The following KANK3 variants were observed in gnomAD, a reference collection of about 807,000 sequenced individuals.
KANK3 encodes the protein KN motif and ankyrin repeat domain-containing protein 3.
Under a neutral mutation model 65.4 loss-of-function variants are expected in KANK3, and 61 were observed. The ratio of observed to expected loss-of-function variants is 0.93; its 90% CI spans 0.76 to 1.15. The LOEUF (loss-of-function observed/expected upper bound fraction) is 1.15, where lower values mean the gene tolerates loss of function less well. Ranked by LOEUF, KANK3 falls within the 50% of genes most tolerant of loss-of-function variation. KANK3 has a pLI of 0.00. For missense variants in KANK3, 1,187 were observed against 1,178.8 expected (o/e 1.01, Z -0.10); for synonymous variants, 586 against 543.3 (o/e 1.08, Z -1.09).
intron 2 of KANK3, among the ~76,000 whole-genome samples, chr19:8,337,549 T>A (rs1248986846): frequency 6.6e-6 from 1 of 152,036 alleles, no homozygotes; most frequent in Non-Finnish European, 1.5e-5. Context: ...TTTCACCATG[T>A]TGCCCAGGCT....
intron 10 of KANK3, among the ~76,000 whole-genome samples, chr19:8,323,938 C>G (rs951901077): frequency 6.6e-6 from 1 of 152,206 alleles, no homozygotes; most frequent in African/African-American, 2.4e-5. Flanking sequence ...CTTCCCCACC[C>G]TGCCTGATGC....
At chr19:8,338,265 G>A (rs546836853) in intron 1 of KANK3, among the ~76,000 whole-genome samples, 12 of 151,858 alleles carry the variant, frequency 7.9e-5, no homozygotes, top group Middle Eastern at 6.8e-3. Context: ...CAAGTTATCC[G>A]CCTGCCTCGA....
chr19:8,334,759 CTCTA>C lies in KANK3; in HGVS notation c.1064_1067del (p.Leu355ArgfsTer13). On this transcript the variant is annotated frameshift_variant, in exon 3 of 11. Transcript: ENST00000330915. LOFTEE classifies it high-confidence loss of function. ...GGTGCTCCAGACTGGCGCGCAGCAG[CTCTA>C]GCTCGCGCTCGGCGGCCGCAGGCAG... 1 of 1,508,598 alleles carries C rather than the reference CTCTA, an allele frequency of 6.6e-7. No individual in the cohort carries two copies. Among genetic ancestry groups the C allele is most frequent in the Non-Finnish European group, 8.8e-7 (1 of 1,137,162 alleles). 93.5% of individuals were successfully genotyped at this position (1,508,598 alleles called of 1,614,324 possible).
chr19:8,334,638 G>A lies in KANK3; in HGVS notation c.1189C>T (p.Leu397=). ...EEAAAGARAQ[L]REATTQTPWS... ...GGGGTCTGGGTGGTGGCCTCGCGTA[G>A]CTGGGCCCGGGCCCCCGCCGCTGCC... Residue 397 remains leucine (L), a synonymous_variant, in exon 3 of 11, where the codon CTA becomes TTA. Coordinates refer to ENST00000330915, the MANE Select transcript of KANK3 (RefSeq NM_198471.3). 1 of 1,536,150 alleles carries A rather than the reference G, an allele frequency of 6.5e-7. No homozygotes were observed. The highest frequency in any genetic ancestry group is 8.7e-7 in the Non-Finnish European group (1 of 1,147,822).
At chr19:8,324,419 A>C in intron 10 of KANK3, 30 bp downstream of exon 10, 1 of 1,551,990 alleles carries the variant, frequency 6.4e-7, no homozygotes, top group Non-Finnish European at 8.7e-7. Context: ...TGCAGCTGGG[A>C]AAGTTTGTTT....
At chr19:8,331,485 C>T (rs962390166) in intron 7 of KANK3, among the ~76,000 whole-genome samples, 7 of 152,116 alleles carry the variant, frequency 4.6e-5, no homozygotes, top group South Asian at 2.1e-4. Context: ...CAGTGGGACC[C>T]GCCTCAACCT....
rs137964228 is a variant in KANK3 at position 8,330,829 on chromosome 19, G to A, written c.1936+2185C>T. On this transcript the variant is annotated intron_variant, in intron 7 of 10. Transcript: ENST00000330915. The stretch of plus-strand genomic sequence containing the variant: ...TGAGACATAAGAATCACTTGAACCC[G>A]GGAGGTGGAGGTTGCAGTGAGCTGA... Among the ~76,000 whole-genome samples the A allele has an allele frequency of 2.9e-3, 446 of 152,202 alleles. 2 individuals are homozygous for A. Among genetic ancestry groups the A allele is most frequent in the African/African-American group, 0.01 (430 of 41,524 alleles).
At chr19:8,337,881 T>TGGGC (rs1970669654) in intron 1 of KANK3, 25 bp from the exon 2 acceptor site, 3 of 1,612,156 alleles carry the variant, frequency 1.9e-6, no homozygotes, top group South Asian at 2.2e-5. Flanking sequence ...AAGGTGGGGC[T>TGGGC]GGGCGCTGTC....
intron 1 of KANK3, among the ~76,000 whole-genome samples, chr19:8,338,981 C>T (rs1005458005): frequency 6.6e-6 from 1 of 151,196 alleles, no homozygotes; most frequent in Non-Finnish European, 1.5e-5. Flanking sequence ...GGGCTGGATG[C>T]ACCAAAGATC....
At chr19:8,342,748 G>C (rs1446060870) in intron 1 of KANK3, among the ~76,000 whole-genome samples, 3 of 152,172 alleles carry the variant, frequency 2.0e-5, no homozygotes, top group Non-Finnish European at 2.9e-5. Context: ...CCACCCCCAG[G>C]TCGTCCTAGC....
chr19:8,326,631 CAAA>C (rs1206711323), intron 7 of KANK3, among the ~76,000 whole-genome samples: 8 of 128,386 alleles, frequency 6.2e-5, no homozygotes, highest in African/African-American at 2.0e-4. Context: ...ACTAAAAATA[CAAA>C]AAAAAAAAAA....
At chr19:8,325,689 G>T (rs1970415417) in intron 7 of KANK3, among the ~76,000 whole-genome samples, 1 of 152,102 alleles carries the variant, frequency 6.6e-6, no homozygotes, top group East Asian at 1.9e-4. Flanking sequence ...TTAAACATTT[G>T]TTGACTGAAT....
Position 8,333,180 on chromosome 19 carries a change from C to T in KANK3, c.1770G>A (p.Arg590=). ...AQEWFRVSSQ[R]RSQAEPVARM... Reference sequence around the variant, plus strand: ...TGGCCACGGGCTCCGCCTGAGAGCGCCGCTGGCTGGACACTCGAAACCACT... The same window carrying T: ...TGGCCACGGGCTCCGCCTGAGAGCGTCGCTGGCTGGACACTCGAAACCACT... The change falls in exon 7 of 11, where the codon CGG becomes CGA. Residue 590 remains arginine (R), a synonymous_variant. Coordinates refer to ENST00000330915, the MANE Select transcript of KANK3 (RefSeq NM_198471.3). The surrounding 1 kb of genome is among the most constrained non-coding windows in gnomAD (Gnocchi z 5.0). 1 of 1,612,840 alleles carries T rather than the reference C, an allele frequency of 6.2e-7. No individual in the cohort carries two copies. The highest frequency in any genetic ancestry group is 8.5e-7 in the Non-Finnish European group (1 of 1,179,866).
chr19:8,334,917 C>A lies in KANK3; in HGVS notation c.910G>T (p.Ala304Ser). Residue 304 changes from alanine (A) to serine (S), a missense_variant, in exon 3 of 11, where the codon GCC becomes TCC. By Grantham distance (99) the Ala-to-Ser change is moderately conservative (BLOSUM62 1). Coordinates refer to ENST00000330915, the MANE Select transcript of KANK3 (RefSeq NM_198471.3). ...LDGTPQTREV[A>S]AEAVPETREA... ...CGGGTCTCGGGCACGGCCTCGGCGG[C>A]CACCTCCCGGGTCTGGGGCGTCCCA... 1 of 1,462,656 alleles carries A rather than the reference C, an allele frequency of 6.8e-7. No individual in the cohort carries two copies. The highest frequency in any genetic ancestry group is 8.9e-7 in the Non-Finnish European group (1 of 1,117,460). The allele number at this position is 1,462,656 out of a possible 1,614,324, so 90.6% of individuals were successfully genotyped here.
rs769270108 is a variant in KANK3, at chr19:8,334,340, A to G, written c.1407T>C (p.Phe469=). The G allele has an allele frequency of 1.2e-5, 19 of 1,614,142 alleles. No homozygotes were observed. The South Asian group carries it at 1.9e-4, about 16-fold the overall frequency. The change falls in exon 4 of 11, where the codon TTT becomes TTC. Residue 469 remains phenylalanine, a synonymous_variant. Coordinates refer to ENST00000330915, the MANE Select transcript of KANK3 (RefSeq NM_198471.3). ...CTCACTCTCCGTTGAGGACCCCAAC[A>G]AACTGCAGGCTCTTGGGTCCGGAGC... ...QPSSGPKSLQ[F]VGVLNGEYES... is the part of the protein sequence containing the mutation.
At position 8,335,771 on chromosome 19, in the gene KANK3, C is replaced by T; in HGVS notation, c.56G>A (p.Cys19Tyr). The T allele has an allele frequency of 8.1e-7, 1 of 1,239,664 alleles. No homozygotes were observed. 76.8% of individuals were successfully genotyped at this position (1,239,664 alleles called of 1,614,324 possible). A position where few individuals can be genotyped will look rare whatever the true frequency, so the allele number is the denominator to read the frequency against. Residue 19 changes from cysteine to tyrosine, a missense_variant, in exon 3 of 11, where the codon TGC (cysteine) becomes TAC (tyrosine). Physicochemically the swap from Cys to Tyr is radical, Grantham distance 194. Around this residue, in one of 3 missense-constraint regions of KANK3, gnomAD observed 104 missense variants for 122.1 expected, o/e 0.85. Coordinates refer to ENST00000330915, the MANE Select transcript of KANK3 (RefSeq NM_198471.3). ...NLPDLGGPRL[C>Y]PVPAAGGARS... is the part of the protein sequence containing the mutation. ...TGCGCCCCCGGCGGCGGGGACCGGG[C>T]ACAGGCGGGGGCCGCCCAGGTCTGG...
intron 7 of KANK3, among the ~76,000 whole-genome samples, chr19:8,327,721 G>A (rs142920035): frequency 6.6e-6 from 1 of 152,274 alleles, no homozygotes; most frequent in East Asian, 1.9e-4. Context: ...TTGAGCCTGG[G>A]AGGTTGAGGC....
Position 8,333,791 on chromosome 19 carries a change from C to T in KANK3, c.1652G>A (p.Arg551His). 2 of 1,527,388 alleles carry T rather than the reference C, an allele frequency of 1.3e-6. No homozygotes were observed. The highest frequency in any genetic ancestry group is 1.8e-6 in the Non-Finnish European group (2 of 1,134,182). 94.6% of individuals were successfully genotyped at this position (1,527,388 alleles called of 1,614,324 possible). ...VAQGRCELSPRLREACVALQR... is the reference protein window; with the variant it reads ...VAQGRCELSPHLREACVALQR... ...CAGCGCTACGCACGCCTCCCTCAGA[C>T]GCGGGCTCAGCTCGCACCTGCAGAG... Residue 551 changes from arginine to histidine, a missense_variant, in exon 6 of 11, where the codon CGT (arginine) becomes CAT (histidine). Coordinates refer to ENST00000330915, the MANE Select transcript of KANK3 (RefSeq NM_198471.3). The surrounding 1 kb of genome is among the most constrained non-coding windows in gnomAD (Gnocchi z 5.0).
intron 2 of KANK3, 29 bp downstream of exon 2, chr19:8,337,766 C>T (rs1037625407): frequency 6.2e-7 from 1 of 1,611,410 alleles, no homozygotes; most frequent in Non-Finnish European, 8.5e-7. Flanking sequence ...TGCGCACACA[C>T]ACACACATCT....
Sources: gnomAD v4.1 joint callset for allele counts (sites outside exome capture counted in the v4.1 genomes callset) on GRCh38, gnomAD v4.1.1 for gene constraint, gnomAD v4.1.1 regional missense constraint, Gnocchi (gnomAD v3.1) non-coding constraint, MANE v1.5 for transcripts, NCBI Gene and HGNC (gene_info 2026-07-23, HGNC 2026-07-21) for gene names.